The following GPR160 variants were observed in gnomAD, a reference collection of about 807,000 sequenced individuals.
GPR160 encodes the protein G protein-coupled receptor 160.
In GPR160, 2 loss-of-function variants were observed where a neutral mutation model predicts 2.6. The observed-to-expected ratio is 0.77, with a 90% CI of 0.32 to 2.44. GPR160 has a LOEUF of 2.44. Among genes scored for constraint, GPR160 ranks in the 30% most tolerant of loss-of-function variants. GPR160 has a pLI of 0.11. For synonymous variants in GPR160, 130 were observed against 132.2 expected (o/e 0.98, Z 0.12); for missense variants, 351 against 383.6 (o/e 0.91, Z 0.71).
At chr3:170,052,893 G>A (rs1040084574) in intron 2 of GPR160, among the ~76,000 whole-genome samples, 3 of 152,066 alleles carry the variant, frequency 2.0e-5, no homozygotes, top group African/African-American at 7.2e-5. Context: ...TCTGTTAATG[G>A]TGTGAAGTGG....
chr3:170,042,652 G>T (rs955026758), intron 2 of GPR160, among the ~76,000 whole-genome samples: 33 of 145,366 alleles, frequency 2.3e-4, no homozygotes, highest in Non-Finnish European at 3.9e-4. Flanking sequence ...ACATAGTGAG[G>T]CCCCCATCTC....
chr3:170,069,044 C>T (rs555867348), intron 2 of GPR160, among the ~76,000 whole-genome samples: 1 of 152,304 alleles, frequency 6.6e-6, no homozygotes, highest in African/African-American at 2.4e-5. Flanking sequence ...GGAGAGGTCT[C>T]AACTTCCGCT....
intron 2 of GPR160, among the ~76,000 whole-genome samples, chr3:170,071,978 T>C (rs532573231): frequency 2.0e-5 from 3 of 152,268 alleles, no homozygotes; most frequent in African/African-American, 7.2e-5. Flanking sequence ...CTACAATTTG[T>C]TTATCCATTT....
chr3:170,050,520 C>G lies in GPR160; in HGVS notation c.-193+11477C>G, dbSNP rs192967425. Among the ~76,000 whole-genome samples, 1,104 of 152,112 alleles carry G rather than the reference C, an allele frequency of 7.3e-3. 17 individuals carry two copies. The highest frequency in any genetic ancestry group is 0.026 in the African/African-American group (1,058 of 41,482). On this transcript the variant is annotated intron_variant, in intron 2 of 3. Transcript: ENST00000355897. ...CTGCCAGGTTCAAGTAATTCTCCTG[C>G]CTCAGCCTCCCAAGCAGCTGGGATT...
intron 2 of GPR160, chr3:170,062,800 A>G (rs1321190652): frequency 1.5e-6 from 1 of 670,258 alleles, no homozygotes; most frequent in African/African-American, 1.8e-5. Context: ...GAAGAAAGGG[A>G]AAGAATAGAT....
In GPR160 at chr3:170,084,014, G is replaced by A. The variant is rs1296641556; in HGVS notation, c.42G>A (p.Gln14=). The A allele has an allele frequency of 2.6e-6, 4 of 1,555,000 alleles. No homozygotes were observed. The highest frequency in any genetic ancestry group is 1.4e-5 in the African/African-American group (1 of 72,040). The change falls in exon 4 of 4, where the codon CAG becomes CAA. Residue 14 remains glutamine, a synonymous_variant. Coordinates refer to ENST00000355897, the MANE Select transcript of GPR160 (RefSeq NM_014373.3). ...CAGAGAACTGCTCTTTTCAGTACCA[G>A]TTACGTCAAACAAACCAGCCCCTAG... is the stretch of plus-strand genomic sequence containing the variant. ...LSSENCSFQY[Q]LRQTNQPLDV... is the part of the protein sequence containing the mutation.
rs112409853 is a variant in GPR160, at chr3:170,043,104, A to G, written c.-193+4061A>G. ...CGCCATGTTAGCCAGGATGGTCTCG[A>G]TCTACTGACCTCGTGATCTGCCCGC... On this transcript the variant is annotated intron_variant, in intron 2 of 3. Transcript: ENST00000355897. 2.9e-4 allele frequency among the ~76,000 whole-genome samples: 44 copies of G among 152,044 alleles called. 2 individuals carry two copies. Among genetic ancestry groups the G allele is most frequent in the African/African-American group, 1.0e-3 (43 of 41,444 alleles).
intron 2 of GPR160, among the ~76,000 whole-genome samples, chr3:170,051,319 C>T (rs1373785367): frequency 6.6e-6 from 1 of 152,044 alleles, no homozygotes; most frequent in Non-Finnish European, 1.5e-5. Context: ...TCTTTGATGA[C>T]ACGTCTAGTT....
intron 2 of GPR160, among the ~76,000 whole-genome samples, chr3:170,065,970 T>C (rs1000855597): frequency 6.6e-6 from 1 of 151,828 alleles, no homozygotes; most frequent in African/African-American, 2.4e-5. Flanking sequence ...TTGCCCAGAC[T>C]ATACTCAAAC....
intron 2 of GPR160, chr3:170,062,609 C>T: frequency 1.6e-6 from 2 of 1,287,924 alleles, no homozygotes; most frequent in South Asian, 1.2e-5. Flanking sequence ...AGCAGCAGAA[C>T]TTCCAAAACC....
At chr3:170,073,322 T>G (rs927292609) in intron 2 of GPR160, among the ~76,000 whole-genome samples, 7 of 152,250 alleles carry the variant, frequency 4.6e-5, no homozygotes, top group African/African-American at 1.7e-4. Flanking sequence ...CTACATTTAG[T>G]CATATGATCC....
chr3:170,066,744 A>C (rs1262396223), intron 2 of GPR160, among the ~76,000 whole-genome samples: 1 of 152,182 alleles, frequency 6.6e-6, no homozygotes, highest in Non-Finnish European at 1.5e-5. Flanking sequence ...CACACATGCA[A>C]GTAAATTTAT....
intron 2 of GPR160, chr3:170,077,519 A>C (rs994600567): frequency 2.6e-5 from 4 of 152,186 alleles, no homozygotes; most frequent in Admixed American, 2.6e-4. Context: ...CTGTTCTCTG[A>C]CCTTGAGGCA....
chr3:170,039,979 A>G (rs1559979156), intron 2 of GPR160, among the ~76,000 whole-genome samples: 1 of 151,590 alleles, frequency 6.6e-6, no homozygotes, highest in Non-Finnish European at 1.5e-5. Context: ...GCTGGGAAGA[A>G]CACATGGACA....
intron 2 of GPR160, among the ~76,000 whole-genome samples, chr3:170,072,544 C>T (rs868503513): frequency 1.8e-4 from 28 of 152,230 alleles, no homozygotes; most frequent in Middle Eastern, 3.4e-3. Flanking sequence ...ACAGACTGTA[C>T]AGGAAGCAGG....
intron 2 of GPR160, among the ~76,000 whole-genome samples, chr3:170,072,267 G>A (rs957937508): frequency 4.6e-5 from 7 of 151,820 alleles, no homozygotes; most frequent in African/African-American, 1.7e-4. Context: ...TAGATATGGG[G>A]TTTCACCAGT....
chr3:170,052,748 A>T (rs929693162), intron 2 of GPR160, among the ~76,000 whole-genome samples: 1 of 151,778 alleles, frequency 6.6e-6, no homozygotes, highest in Non-Finnish European at 1.5e-5. Context: ...CACTTTATCA[A>T]TTTTTTTTCT....
intron 2 of GPR160, among the ~76,000 whole-genome samples, chr3:170,051,586 G>A (rs552444674): frequency 5.1e-4 from 78 of 152,248 alleles, no homozygotes; most frequent in African/African-American, 1.6e-3. Flanking sequence ...TTAGCTGGGC[G>A]CGGTGGCATG....
In GPR160 at chr3:170,038,148, C is replaced by A. The variant is rs1374561019; in HGVS notation, c.-389C>A. On this transcript the variant is annotated 5_prime_UTR_variant, in exon 1 of 4. Coordinates refer to ENST00000355897, the MANE Select transcript of GPR160 (RefSeq NM_014373.3). The surrounding 1 kb of genome is among the most constrained non-coding windows in gnomAD (Gnocchi z 5.3). Reference sequence around the variant, plus strand: ...GGCCCTCGCCCCTCCCTCGGGCGGTCACCTGGGCACGGGCGCTGCAGGTGT... The same window carrying A: ...GGCCCTCGCCCCTCCCTCGGGCGGTAACCTGGGCACGGGCGCTGCAGGTGT... The A allele has an allele frequency of 1.3e-5, 2 of 152,578 alleles. No individual in the cohort carries two copies. Among genetic ancestry groups the A allele is most frequent in the South Asian group, 1.9e-4 (1 of 5,240 alleles). 9.5% of individuals were successfully genotyped at this position (152,578 alleles called of 1,614,324 possible).
Sources: gnomAD v4.1 joint callset for allele counts (sites outside exome capture counted in the v4.1 genomes callset) on GRCh38, gnomAD v4.1.1 for gene constraint, Gnocchi (gnomAD v3.1) non-coding constraint, MANE v1.5 for transcripts, NCBI Gene and HGNC (gene_info 2026-07-23, HGNC 2026-07-21) for gene names.